The following PRDM6 variants were observed in gnomAD, a reference collection of about 807,000 sequenced individuals.
PRDM6 encodes PR/SET domain 6.
A neutral mutation model predicts 60.8 loss-of-function variants in PRDM6; 25 were observed. The ratio of observed to expected loss-of-function variants is 0.41; its 90% CI spans 0.30 to 0.57. The LOEUF is 0.57. Ranked by LOEUF, PRDM6 falls within the 20% of genes least tolerant of loss-of-function variation. The pLI is 0.27. For synonymous variants in PRDM6, 407 were observed against 357.4 expected, an observed-to-expected ratio of 1.14 and a Z score of -1.57; for missense variants, 839 against 821.3, an observed-to-expected ratio of 1.02 and a Z score of -0.26.
intron 3 of PRDM6, 50 bp downstream of exon 3, chr5:123,100,011 AGCAGGGAGCCTTGGCCG>A (rs768520699): frequency 5.3e-5 from 77 of 1,442,210 alleles, no homozygotes; most frequent in East Asian, 1.0e-4. Context: ...AGCCTTGGCC[AGCAGGGAGCCTTGGCCG>A]GCAGGGAGCC....
intron 3 of PRDM6, among the ~76,000 whole-genome samples, chr5:123,145,649 A>G (rs1765222116): frequency 6.6e-6 from 1 of 152,192 alleles, no homozygotes; most frequent in African/African-American, 2.4e-5. Context: ...CCAGGGCAGG[A>G]CAGTGTAAAC....
intron 3 of PRDM6, among the ~76,000 whole-genome samples, chr5:123,139,376 G>A (rs1053683869): frequency 5.9e-5 from 9 of 152,090 alleles, no homozygotes; most frequent in African/African-American, 2.2e-4. Context: ...TCTCTTGGTG[G>A]ATTCCGTATT....
Position 123,089,462 on chromosome 5 carries a change from G to T in PRDM6, c.-73G>T. 6.4e-6 allele frequency: 1 copy of T among 155,142 alleles called. No homozygotes were observed. Among genetic ancestry groups the T allele is most frequent in the Non-Finnish European group, 1.4e-5 (1 of 70,678 alleles). The allele number at this position is 155,142 out of a possible 1,614,324, so 9.6% of individuals were successfully genotyped here. A position where few individuals can be genotyped will look rare whatever the true frequency, so the allele number is the denominator to read the frequency against. ...GCGCACGCAGGGCGCACACTCTCGCGCACCCGCACGCTCACCGAGACACCC... is the reference window on the plus strand; with the variant it reads ...GCGCACGCAGGGCGCACACTCTCGCTCACCCGCACGCTCACCGAGACACCC... On this transcript the variant is annotated 5_prime_UTR_variant, in exon 1 of 8. Coordinates refer to ENST00000407847, the MANE Select transcript of PRDM6 (RefSeq NM_001136239.4).
At chr5:123,162,938 A>C (rs1379125295) in intron 5 of PRDM6, among the ~76,000 whole-genome samples, 1 of 152,238 alleles carries the variant, frequency 6.6e-6, no homozygotes, top group Non-Finnish European at 1.5e-5. Flanking sequence ...AATGTGTAAA[A>C]GGGCATGGGC....
chr5:123,133,957 T>A (rs1561839932), intron 3 of PRDM6, among the ~76,000 whole-genome samples: 1 of 152,174 alleles, frequency 6.6e-6, no homozygotes, highest in Non-Finnish European at 1.5e-5. Context: ...GGGTGGTTTA[T>A]CAAATGCCAC....
chr5:123,136,466 T>C (rs554177158), intron 3 of PRDM6, among the ~76,000 whole-genome samples: 1 of 152,280 alleles, frequency 6.6e-6, no homozygotes, highest in Admixed American at 6.5e-5. Flanking sequence ...TTATTTTCTT[T>C]TATTTTGTAG....
intron 5 of PRDM6, among the ~76,000 whole-genome samples, chr5:123,168,330 A>G (rs1765806114): frequency 6.6e-6 from 1 of 152,224 alleles, no homozygotes; most frequent in African/African-American, 2.4e-5. Flanking sequence ...TACTAGCTGT[A>G]AAAACATCCT....
Position 123,171,104 on chromosome 5 carries a change from G to C in PRDM6, c.1492G>C (p.Asp498His). The change falls in exon 6 of 8, where the codon GAC becomes CAC. Residue 498 changes from aspartate to histidine, a missense_variant. Asp to His is a moderately conservative substitution (Grantham distance 81). Coordinates refer to ENST00000407847, the MANE Select transcript of PRDM6 (RefSeq NM_001136239.4). Reference protein sequence around the residue: ...LQMHVCTQNPDRPYQCGHCSQ... With the variant: ...LQMHVCTQNPHRPYQCGHCSQ... ...GATGCACGTGTGCACGCAGAACCCC[G>C]ACAGGTAACCCTGACTCTCACTGCT... 6.5e-7 allele frequency: 1 copy of C among 1,533,200 alleles called. No homozygotes were observed. The allele number at this position is 1,533,200 out of a possible 1,614,324, so 95.0% of individuals were successfully genotyped here.
intron 3 of PRDM6, among the ~76,000 whole-genome samples, chr5:123,119,804 G>C (rs1386294681): frequency 6.6e-6 from 1 of 152,122 alleles, no homozygotes; most frequent in African/African-American, 2.4e-5. Context: ...CTTTTGTTTG[G>C]AAATTAAGCA....
At chr5:123,100,924 A>G (rs1057454151) in intron 3 of PRDM6, among the ~76,000 whole-genome samples, 8 of 152,208 alleles carry the variant, frequency 5.3e-5, no homozygotes, top group Admixed American at 4.6e-4. Context: ...CCCTTAAACA[A>G]TATGTAAATC....
chr5:123,143,870 A>T (rs1414371099), intron 3 of PRDM6, among the ~76,000 whole-genome samples: 1 of 152,242 alleles, frequency 6.6e-6, no homozygotes, highest in Admixed American at 6.5e-5. Flanking sequence ...TGTGCTATTC[A>T]TAAGTTAATT....
chr5:123,117,290 G>A (rs1014578947), intron 3 of PRDM6, among the ~76,000 whole-genome samples: 12 of 152,142 alleles, frequency 7.9e-5, no homozygotes, highest in Admixed American at 7.9e-4. Context: ...GGGGAAAAAG[G>A]CAATAAACAT....
chr5:123,095,700 C>T (rs576378661), intron 2 of PRDM6, among the ~76,000 whole-genome samples: 1 of 152,362 alleles, frequency 6.6e-6, no homozygotes, highest in Non-Finnish European at 1.5e-5. Flanking sequence ...TTTTCACCTA[C>T]TCCTTGCTTT....
intron 3 of PRDM6, among the ~76,000 whole-genome samples, chr5:123,129,774 T>C (rs999628702): frequency 2.6e-5 from 4 of 152,250 alleles, no homozygotes; most frequent in African/African-American, 9.6e-5. Flanking sequence ...ATCATGTGTC[T>C]ATAAATATTT....
At chr5:123,148,975 T>TA (rs1765313595) in intron 3 of PRDM6, among the ~76,000 whole-genome samples, 1 of 152,184 alleles carries the variant, frequency 6.6e-6, no homozygotes, top group Admixed American at 6.5e-5. Context: ...TAAAACAGAA[T>TA]AATATTCTCA....
intron 5 of PRDM6, among the ~76,000 whole-genome samples, chr5:123,164,248 GCTGT>G (rs1476470243): frequency 1.1e-4 from 17 of 152,330 alleles, no homozygotes; most frequent in Middle Eastern, 3.4e-3. Context: ...GGGCTGTCAG[GCTGT>G]CTAAGTCATT....
chr5:123,170,727 T>G (rs533825322), intron 5 of PRDM6, 39 bp from the exon 6 acceptor site: 1 of 1,348,524 alleles, frequency 7.4e-7, no homozygotes, highest in African/African-American at 1.5e-5. Context: ...TTTTAAAGGC[T>G]AATAAAACTG....
intron 3 of PRDM6, among the ~76,000 whole-genome samples, chr5:123,141,181 G>A (rs1465930143): frequency 6.6e-6 from 1 of 151,780 alleles, no homozygotes; most frequent in African/African-American, 2.4e-5. Flanking sequence ...GAGGATATGG[G>A]AGTAATATTA....
At chr5:123,150,160 G>A (rs1388533635) in intron 3 of PRDM6, among the ~76,000 whole-genome samples, 1 of 151,982 alleles carries the variant, frequency 6.6e-6, no homozygotes, top group African/African-American at 2.4e-5. Context: ...TTTTATATCA[G>A]CTCTTTGAGG....
Sources: gnomAD v4.1 joint callset for allele counts (sites outside exome capture counted in the v4.1 genomes callset) on GRCh38, gnomAD v4.1.1 for gene constraint, MANE v1.5 for transcripts, NCBI Gene and HGNC (gene_info 2026-07-23, HGNC 2026-07-21) for gene names.